Variants in UNC13B observed in about 807,000 individuals in gnomAD.
UNC13B encodes protein unc-13 homolog B.
A neutral mutation model predicts 211.0 loss-of-function variants in UNC13B; 144 were observed. The observed-to-expected ratio is 0.68, with a 90% confidence interval of 0.60 to 0.78. The LOEUF is 0.78. Among genes scored for constraint, UNC13B ranks in the 30% least tolerant of loss-of-function variants. UNC13B has a pLI of 0.00. For missense variants in UNC13B, 1,777 were observed against 2,002.0 expected, an observed-to-expected ratio of 0.89 and a Z score of 2.14; for synonymous variants, 709 against 725.8, an observed-to-expected ratio of 0.98 and a Z score of 0.37.
chr9:35,354,570 AT>A (rs1346270274), intron 11 of UNC13B, among the ~76,000 whole-genome samples: 1 of 152,172 alleles, frequency 6.6e-6, no homozygotes, highest in Non-Finnish European at 1.5e-5. Context: ...GTAAGAGAAC[AT>A]TTTTCTAGGC....
At chr9:35,381,239 G>A in intron 19 of UNC13B, 24 bp downstream of exon 19, 1 of 1,600,316 alleles carries the variant, frequency 6.2e-7, no homozygotes, top group South Asian at 1.1e-5. Flanking sequence ...TGGTAGGTGG[G>A]GGATCAGAAA....
At chr9:35,209,514 G>A (rs1369324054) in intron 1 of UNC13B, among the ~76,000 whole-genome samples, 1 of 152,028 alleles carries the variant, frequency 6.6e-6, no homozygotes, top group African/African-American at 2.4e-5. Flanking sequence ...AGCAGCTGGA[G>A]TTACAAGTGC....
chr9:35,287,392 A>G (rs908351098), intron 7 of UNC13B, among the ~76,000 whole-genome samples: 2 of 152,128 alleles, frequency 1.3e-5, no homozygotes, highest in African/African-American at 4.8e-5. Flanking sequence ...TCAACCTCCC[A>G]AAGTGCTGGG....
At chr9:35,366,864 TG>T (rs1833802748) in intron 11 of UNC13B, 82 bp from the exon 12 acceptor site, 1 of 1,195,772 alleles carries the variant, frequency 8.4e-7, no homozygotes. Context: ...GCTCTGGGCT[TG>T]TACTCTACTG....
chr9:35,357,091 G>T (rs1481054902), intron 11 of UNC13B, among the ~76,000 whole-genome samples: 1 of 152,040 alleles, frequency 6.6e-6, no homozygotes. Context: ...ATTCTCTTGG[G>T]TATTTACCTA....
chr9:35,246,132 G>A (rs985988152), intron 6 of UNC13B, among the ~76,000 whole-genome samples: 8 of 152,076 alleles, frequency 5.3e-5, no homozygotes, highest in Admixed American at 2.6e-4. Flanking sequence ...TGTGTCTGTT[G>A]GCTGCATAAA....
chr9:35,395,112 T>C (rs1357520760), intron 26 of UNC13B, among the ~76,000 whole-genome samples: 1 of 152,100 alleles, frequency 6.6e-6, no homozygotes, highest in Non-Finnish European at 1.5e-5. Context: ...GGGCTCTCTT[T>C]TGATGTCCCT....
intron 1 of UNC13B, among the ~76,000 whole-genome samples, chr9:35,169,030 G>A (rs534285350): frequency 1.1e-4 from 17 of 152,174 alleles, no homozygotes; most frequent in African/African-American, 4.1e-4. Flanking sequence ...GGACCAAGTT[G>A]ATTTATATTA....
At chr9:35,247,642 A>G (rs1826184531) in intron 6 of UNC13B, among the ~76,000 whole-genome samples, 1 of 152,152 alleles carries the variant, frequency 6.6e-6, no homozygotes, top group South Asian at 2.1e-4. Context: ...TTCTGTTTAT[A>G]TGCTGAATTA....
chr9:35,351,366 C>A, intron 11 of UNC13B: 1 of 1,227,102 alleles, frequency 8.1e-7, no homozygotes, highest in Non-Finnish European at 1.0e-6. Context: ...CCATTCCAGG[C>A]AGCACTGTGG....
intron 3 of UNC13B, among the ~76,000 whole-genome samples, chr9:35,235,444 C>T (rs577904399): frequency 1.3e-5 from 2 of 152,124 alleles, no homozygotes; most frequent in East Asian, 1.9e-4. Context: ...AAATCCCCCC[C>T]GCCCCGCCCC....
In UNC13B at chr9:35,381,720, G is replaced by A. The variant is rs369871996; in HGVS notation, c.10655+1G>A. The A allele has an allele frequency of 1.2e-6, 2 of 1,613,270 alleles. No homozygotes were observed. Among genetic ancestry groups the A allele is most frequent in the East Asian group, 2.2e-5 (1 of 44,854 alleles). On this transcript the variant is annotated splice_donor_variant, in intron 20 of 39. Coordinates refer to ENST00000635942, the MANE Select transcript of UNC13B (RefSeq NM_001371189.2). LOFTEE classifies it high-confidence loss of function. ...TTGAGTCCATATATCAGGCCATGAC[G>A]TGAGTCTCTGCTGCGGCACCGGGAA... is the stretch of plus-strand genomic sequence containing the variant.
At chr9:35,344,993 A>C (rs79981867) in intron 11 of UNC13B, among the ~76,000 whole-genome samples, 4,003 of 152,308 alleles carry the variant, frequency 0.026, 83 homozygotes, top group Non-Finnish European at 0.043. Context: ...TTTGGGATAC[A>C]GAGGTCAGGG....
intron 11 of UNC13B, among the ~76,000 whole-genome samples, chr9:35,349,294 T>C (rs1832567314): frequency 6.8e-6 from 1 of 147,414 alleles, no homozygotes; most frequent in Admixed American, 6.9e-5. Flanking sequence ...ACATTGTTCA[T>C]GGCTAATACC....
intron 1 of UNC13B, among the ~76,000 whole-genome samples, chr9:35,207,055 T>C (rs1823695757): frequency 1.3e-5 from 2 of 152,180 alleles, no homozygotes; most frequent in Non-Finnish European, 2.9e-5. Flanking sequence ...TGCACTATTT[T>C]TCAAAGTGGC....
At chr9:35,367,562 T>TAGTC (rs1833852305) in intron 12 of UNC13B, among the ~76,000 whole-genome samples, 1 of 152,198 alleles carries the variant, frequency 6.6e-6, no homozygotes, top group Non-Finnish European at 1.5e-5. Flanking sequence ...TTGTTGACTG[T>TAGTC]AGTCACCCTG....
intron 22 of UNC13B, 55 bp from the exon 23 acceptor site, chr9:35,385,669 G>T: frequency 6.5e-7 from 1 of 1,528,106 alleles, no homozygotes; most frequent in South Asian, 1.3e-5. Context: ...ACTTTTGGCA[G>T]GGAAGGTTTT....
chr9:35,310,716 T>C lies in UNC13B; in HGVS notation c.9258T>C (p.Asp3086=), dbSNP rs372463934. 1 of 1,613,830 alleles carries C rather than the reference T, an allele frequency of 6.2e-7. No individual in the cohort carries two copies. Among genetic ancestry groups the C allele is most frequent in the African/African-American group, 1.3e-5 (1 of 74,858 alleles). The change falls in exon 10 of 40, where the codon GAT becomes GAC. Residue 3086 remains aspartate, a synonymous_variant. Coordinates refer to ENST00000635942, the MANE Select transcript of UNC13B (RefSeq NM_001371189.2). ...AACEPKEMKE[D]ATTHPPPDLV... ...GTGAACCCAAGGAGATGAAAGAAGA[T>C]GCCACAACCCACCCTCCCCCAGATC...
chr9:35,176,516 C>A (rs1360061065), intron 1 of UNC13B, among the ~76,000 whole-genome samples: 1 of 152,134 alleles, frequency 6.6e-6, no homozygotes, highest in Non-Finnish European at 1.5e-5. Flanking sequence ...CCACTGCACT[C>A]CAGCCTGGGA....
Sources: gnomAD v4.1 joint callset for allele counts (sites outside exome capture counted in the v4.1 genomes callset) on GRCh38, gnomAD v4.1.1 for gene constraint, MANE v1.5 for transcripts, NCBI Gene and HGNC (gene_info 2026-07-23, HGNC 2026-07-21) for gene names.